ABCF1: variants seen among roughly 807,000 people sequenced by gnomAD.
ABCF1 encodes the protein ATP-binding cassette sub-family F member 1.
ABCF1 carries 73 observed loss-of-function variants against 126.3 expected under a neutral mutation model. The ratio of observed to expected loss-of-function variants is 0.58; its 90% CI spans 0.48 to 0.70. The LOEUF (loss-of-function observed/expected upper bound fraction) is 0.70. ABCF1 is among the 30% of genes least tolerant of loss of function. The probability of loss-of-function intolerance (pLI) is 0.00; values close to 1 mark genes in which losing one functional copy is unlikely to be tolerated. For missense variants in ABCF1, 786 were observed against 1,057.5 expected (o/e 0.74, Z 3.56); for synonymous variants, 345 against 396.4 (o/e 0.87, Z 1.54).
rs141910056 is a variant in ABCF1, at chr6:30,580,062, C to T, written c.564+57C>T. ...GGGCCCAGGAATTAAAACATTTCAT[C>T]AGGGCTGGGCGCGGTGGCTCACGCC... On this transcript the variant is annotated intron_variant, in intron 7 of 24. Coordinates refer to ENST00000326195, the MANE Select transcript of ABCF1 (RefSeq NM_001025091.2). 3,948 of 1,567,170 alleles carry T rather than the reference C, an allele frequency of 2.5e-3. 9 individuals carry two copies. The highest frequency in any genetic ancestry group is 3.2e-3 in the Non-Finnish European group (3,621 of 1,145,694).
chr6:30,589,094 G>GT (rs1182566911), intron 20 of ABCF1, among the ~76,000 whole-genome samples: 4 of 152,050 alleles, frequency 2.6e-5, no homozygotes, highest in Non-Finnish European at 1.5e-5. Flanking sequence ...CACCTCCTGG[G>GT]TTAAAACCAT....
Position 30,590,208 on chromosome 6 carries a change from A to T in ABCF1, c.2293A>T (p.Ile765Phe). Residue 765 changes from isoleucine (I) to phenylalanine (F), a missense_variant, in exon 23 of 25, where the codon ATC (isoleucine) becomes TTC (phenylalanine). Transcript: ENST00000326195. ...GGCCTGTCGGGAACCTGATGTCCTC[A>T]TCTTGGTGAGTGAGCTGGGCTGTGG... ...ELACREPDVL[I>F]LDEPTNNLDI... 6.2e-7 allele frequency: 1 copy of T among 1,613,058 alleles called. No homozygotes were observed. Among genetic ancestry groups the T allele is most frequent in the Non-Finnish European group, 8.5e-7 (1 of 1,180,022 alleles).
Position 30,584,695 on chromosome 6 carries a change from G to A in ABCF1, c.1391+129G>A. On this transcript the variant is annotated intron_variant, in intron 14 of 24. Transcript: ENST00000326195. The surrounding 1 kb of genome is among the most constrained non-coding windows in gnomAD (Gnocchi z 4.6). ...TTACCTCTCCCTCCTTACTATCTGTGTTGTGAGAACTTAGGGTCTTTCTCT... is the reference window on the plus strand; with the variant it reads ...TTACCTCTCCCTCCTTACTATCTGTATTGTGAGAACTTAGGGTCTTTCTCT... The A allele has an allele frequency of 7.8e-7, 1 of 1,284,078 alleles. No homozygotes were observed. Among genetic ancestry groups the A allele is most frequent in the Middle Eastern group, 2.8e-4 (1 of 3,576 alleles). The allele number at this position is 1,284,078 out of a possible 1,614,324, so 79.5% of individuals were successfully genotyped here.
intron 9 of ABCF1, 48 bp downstream of exon 9, chr6:30,582,555 T>C: frequency 6.3e-7 from 1 of 1,592,058 alleles, no homozygotes; most frequent in African/African-American, 1.3e-5. Context: ...TTTTAAATAC[T>C]TCAACTAGGG....
chr6:30,578,162 T>G lies in ABCF1; in HGVS notation c.303T>G (p.Leu101=), dbSNP rs1801607746. Reference sequence around the variant, plus strand: ...AAGAGAAAGAGCTCATGGAGCGTCTTAAGAAGCTCTCAGTGCCAACCAGTG... The same window carrying G: ...AAGAGAAAGAGCTCATGGAGCGTCTGAAGAAGCTCTCAGTGCCAACCAGTG... ...DGEEKELMER[L]KKLSVPTSDE... The change falls in exon 4 of 25, where the codon CTT becomes CTG. Residue 101 remains leucine, a synonymous_variant. Transcript: ENST00000326195. The G allele has an allele frequency of 1.2e-6, 2 of 1,613,900 alleles. No homozygotes were observed. Among genetic ancestry groups the G allele is most frequent in the South Asian group, 2.2e-5 (2 of 91,082 alleles).
rs752983662 is a variant in ABCF1, at chr6:30,591,290, TAAAGG to T, written c.*596_*600del. The T allele has an allele frequency of 6.6e-6, 1 of 152,282 alleles. No homozygotes were observed. Among genetic ancestry groups the T allele is most frequent in the Non-Finnish European group, 1.5e-5 (1 of 68,174 alleles). 9.4% of individuals were successfully genotyped at this position (152,282 alleles called of 1,614,324 possible). On this transcript the variant is annotated 3_prime_UTR_variant, in exon 25 of 25. Transcript: ENST00000326195. ...AATTTCCCTTTACAAGGGGAAGAAATAAAGGAAAGGAGTTGCTGCCGACCTGTCAC... is the reference window on the plus strand; with the variant it reads ...AATTTCCCTTTACAAGGGGAAGAAATAAAGGAGTTGCTGCCGACCTGTCAC...
rs1048009829 is a variant in ABCF1, at chr6:30,584,890, G to A, written c.1391+324G>A. Among the ~76,000 whole-genome samples the A allele has an allele frequency of 2.0e-5, 3 of 152,096 alleles. No homozygotes were observed. The highest frequency in any genetic ancestry group is 2.0e-4 in the Admixed American group (3 of 15,246). Reference sequence around the variant, plus strand: ...ATAGTGAGACTCTATCTTCACAAAAGGGGGAAGAAAACATATCCTAGCCTG... The same window carrying A: ...ATAGTGAGACTCTATCTTCACAAAAAGGGGAAGAAAACATATCCTAGCCTG... On this transcript the variant is annotated intron_variant, in intron 14 of 24. Transcript: ENST00000326195. The surrounding 1 kb of genome is among the most constrained non-coding windows in gnomAD (Gnocchi z 4.6).
intron 1 of ABCF1, among the ~76,000 whole-genome samples, chr6:30,575,179 C>T (rs1283336488): frequency 1.3e-5 from 2 of 150,658 alleles, no homozygotes; most frequent in South Asian, 2.1e-4. Context: ...AAGCGATTCT[C>T]CTGCCTCAGC....
Position 30,591,492 on chromosome 6 carries a change from G to A in ABCF1, c.*791G>A, listed in dbSNP as rs950668422. ...GGATTCCTTTCCCCCAACCCTTCAC[G>A]CAAGGAAAAAGCAAAGTGATTCATA... On this transcript the variant is annotated 3_prime_UTR_variant, in exon 25 of 25. Coordinates refer to ENST00000326195, the MANE Select transcript of ABCF1 (RefSeq NM_001025091.2). 6 of 149,722 alleles carry A rather than the reference G, an allele frequency of 4.0e-5. No homozygotes were observed. Among genetic ancestry groups the A allele is most frequent in the Middle Eastern group, 6.5e-3 (2 of 308 alleles). 9.3% of individuals were successfully genotyped at this position (149,722 alleles called of 1,614,324 possible).
rs2127414091 is a variant in ABCF1, at chr6:30,584,794, TC to T, written c.1391+231del. ...TGGGTGCAATGGGTCACGCCTGTAA[TC>T]CCAGCACTTTGGAAGGCAGAGGCAG... On this transcript the variant is annotated intron_variant, in intron 14 of 24. Coordinates refer to ENST00000326195, the MANE Select transcript of ABCF1 (RefSeq NM_001025091.2). This position sits in a 1 kb window ranked among gnomAD's most constrained non-coding sequence, Gnocchi z 4.6. 6.6e-6 allele frequency among the ~76,000 whole-genome samples: 1 copy of T among 152,264 alleles called. No individual in the cohort carries two copies. The highest frequency in any genetic ancestry group is 1.9e-4 in the East Asian group (1 of 5,182).
In ABCF1 at chr6:30,583,701, C is replaced by G. The variant is rs763199273; in HGVS notation, c.1009C>G (p.Pro337Ala). Residue 337 changes from proline (P) to alanine (A), a missense_variant, in exon 11 of 25, where the codon CCC becomes GCC. Pro to Ala is a conservative substitution (Grantham distance 27, BLOSUM62 -1). Around this residue, in one of 4 missense-constraint regions of ABCF1, gnomAD observed 163 missense variants for 255.3 expected, o/e 0.64. Coordinates refer to ENST00000326195, the MANE Select transcript of ABCF1 (RefSeq NM_001025091.2). This position sits in a 1 kb window ranked among gnomAD's most constrained non-coding sequence, Gnocchi z 4.1. ...VAGRRYGLVG[P>A]NGKGKTTLLK... ...CGGCCGCCGCTACGGGCTGGTAGGA[C>G]CCAATGGGTGAGAAGAGGAGGGAGC... The G allele has an allele frequency of 6.2e-7, 1 of 1,613,840 alleles. No individual in the cohort carries two copies. Among genetic ancestry groups the G allele is most frequent in the East Asian group, 2.2e-5 (1 of 44,896 alleles).
Position 30,580,489 on chromosome 6 carries a change from A to G in ABCF1, c.648A>G (p.Gln216=). The G allele has an allele frequency of 6.6e-7, 1 of 1,526,438 alleles. No homozygotes were observed. The highest frequency in any genetic ancestry group is 8.7e-7 in the Non-Finnish European group (1 of 1,150,188). 94.6% of individuals were successfully genotyped at this position (1,526,438 alleles called of 1,614,324 possible). A position where few individuals can be genotyped will look rare whatever the true frequency, so the allele number is the denominator to read the frequency against. The change falls in exon 8 of 25, where the codon CAA becomes CAG. Residue 216 remains glutamine (Q), a synonymous_variant. Coordinates refer to ENST00000326195, the MANE Select transcript of ABCF1 (RefSeq NM_001025091.2). ...TAAAGGAAAAGGAGCCTCCCAAACAAGGGAAGGAGAAGGCCAAGAAGGCAG... is the reference window on the plus strand; with the variant it reads ...TAAAGGAAAAGGAGCCTCCCAAACAGGGGAAGGAGAAGGCCAAGAAGGCAG... ...EIIKEKEPPK[Q]GKEKAKKAEQ...
chr6:30,587,017 A>G lies in ABCF1; in HGVS notation c.2031+306A>G, dbSNP rs150627599. On this transcript the variant is annotated intron_variant, in intron 20 of 24. Coordinates refer to ENST00000326195, the MANE Select transcript of ABCF1 (RefSeq NM_001025091.2). ...GGGCCAGGCACAGTAGCTCACTCCT[A>G]TAATCCCAGCAGGGATCACCTAAGG... 3.7e-3 allele frequency among the ~76,000 whole-genome samples: 564 copies of G among 152,294 alleles called. 1 individual carries two copies. Among genetic ancestry groups the G allele is most frequent in the Middle Eastern group, 0.01 (3 of 294 alleles).
At chr6:30,578,720 G>A (rs551823990) in intron 6 of ABCF1, 143 bp downstream of exon 6, 67 of 843,180 alleles carry the variant, frequency 7.9e-5, no homozygotes, top group Non-Finnish European at 1.1e-4. Context: ...TACATGCCCA[G>A]GCTGGGCACA....
chr6:30,582,601 G>A, intron 9 of ABCF1, 94 bp downstream of exon 9: 1 of 1,300,600 alleles, frequency 7.7e-7, no homozygotes, highest in Non-Finnish European at 1.1e-6. Flanking sequence ...AAGGTTTGGG[G>A]GCTACTCCAA....
chr6:30,576,662 G>A (rs919392404), intron 1 of ABCF1, among the ~76,000 whole-genome samples: 3 of 151,920 alleles, frequency 2.0e-5, no homozygotes, highest in African/African-American at 7.3e-5. Flanking sequence ...CCACCACCCA[G>A]ACTACTCTGA....
In ABCF1 at chr6:30,584,164, G is replaced by A. The variant is rs371744121; in HGVS notation, c.1103-28G>A. The A allele has an allele frequency of 1.2e-5, 19 of 1,599,878 alleles. No homozygotes were observed. The highest frequency in any genetic ancestry group is 2.7e-5 in the African/African-American group (2 of 74,616). ...GATGAGACTCTTGGCTCTTGAGGCT[G>A]CCTGACTGTTCTCCCTCTGCCTCCC... On this transcript the variant is annotated intron_variant, in intron 12 of 24. Transcript: ENST00000326195. The surrounding 1 kb of genome is among the most constrained non-coding windows in gnomAD (Gnocchi z 4.6).
Position 30,590,737 on chromosome 6 carries a change from T to G in ABCF1, c.*36T>G, listed in dbSNP as rs1389830689. ...CCAGAAGTCTCCCGAGAGACATATTTGTGTGGCCTAGAAGTCCTCTGTGGT... is the reference window on the plus strand; with the variant it reads ...CCAGAAGTCTCCCGAGAGACATATTGGTGTGGCCTAGAAGTCCTCTGTGGT... On this transcript the variant is annotated 3_prime_UTR_variant, in exon 25 of 25. Transcript: ENST00000326195. 4.4e-6 allele frequency: 7 copies of G among 1,576,898 alleles called. No individual in the cohort carries two copies. In the Admixed American group the frequency reaches 1.1e-4, roughly 24 times the overall value.
chr6:30,584,024 A>T lies in ABCF1; in HGVS notation c.1102+134A>T. 7.2e-7 allele frequency: 1 copy of T among 1,384,476 alleles called. No individual in the cohort carries two copies. Among genetic ancestry groups the T allele is most frequent in the African/African-American group, 1.4e-5 (1 of 69,464 alleles). The allele number at this position is 1,384,476 out of a possible 1,614,324, so 85.8% of individuals were successfully genotyped here. On this transcript the variant is annotated intron_variant, in intron 12 of 24. Coordinates refer to ENST00000326195, the MANE Select transcript of ABCF1 (RefSeq NM_001025091.2). This position sits in a 1 kb window ranked among gnomAD's most constrained non-coding sequence, Gnocchi z 4.6. The stretch of plus-strand genomic sequence containing the variant: ...AGGGAGACTGGAGACCGGGAAAGGG[A>T]TGCTAAGGAAAGGAGGGGAGGGTCA...
Sources: gnomAD v4.1 joint callset for allele counts (sites outside exome capture counted in the v4.1 genomes callset) on GRCh38, gnomAD v4.1.1 for gene constraint, gnomAD v4.1.1 regional missense constraint, Gnocchi (gnomAD v3.1) non-coding constraint, MANE v1.5 for transcripts, NCBI Gene and HGNC (gene_info 2026-07-23, HGNC 2026-07-21) for gene names.